Variants in CACNB2 observed in about 807,000 individuals in gnomAD.
The protein encoded by CACNB2 is voltage-dependent L-type calcium channel subunit beta-2.
In CACNB2, 42 loss-of-function variants were observed where a neutral mutation model predicts 73.3. The ratio of observed to expected loss-of-function variants is 0.57; its 90% CI spans 0.45 to 0.74. The LOEUF (loss-of-function observed/expected upper bound fraction) is 0.74. Ranked by LOEUF, CACNB2 falls within the 30% of genes least tolerant of loss-of-function variation. The probability of loss-of-function intolerance (pLI) is 0.00; values close to 1 mark genes in which losing one functional copy is unlikely to be tolerated. For synonymous variants in CACNB2, 348 were observed against 310.3 expected (o/e 1.12, Z -1.28); for missense variants, 940 against 853.0 (o/e 1.10, Z -1.27).
At chr10:18,174,119 G>T (rs2033426355) in intron 2 of CACNB2, among the ~76,000 whole-genome samples, 1 of 151,984 alleles carries the variant, frequency 6.6e-6, no homozygotes, top group South Asian at 2.1e-4. Flanking sequence ...TCTTACCATT[G>T]TTTGAAAGAA....
intron 2 of CACNB2, among the ~76,000 whole-genome samples, chr10:18,366,166 A>G (rs2042337825): frequency 1.3e-5 from 2 of 152,200 alleles, no homozygotes; most frequent in Non-Finnish European, 2.9e-5. Context: ...AAATAAACAG[A>G]AACTTGAATG....
intron 2 of CACNB2, among the ~76,000 whole-genome samples, chr10:18,241,982 A>C (rs1012140027): frequency 6.6e-6 from 1 of 152,086 alleles, no homozygotes; most frequent in African/African-American, 2.4e-5. Flanking sequence ...TTACGTATAT[A>C]GTCAACCACC....
chr10:18,498,394 T>A lies in CACNB2; in HGVS notation c.373T>A (p.Tyr125Asn). ...VAFAVRTNVS[Y>N]SAAHEDDVPV... ...ATTTGCGGTTCGGACAAATGTCAGCTACAGTGCGGCCCATGAAGATGATGT... is the reference window on the plus strand; with the variant it reads ...ATTTGCGGTTCGGACAAATGTCAGCAACAGTGCGGCCCATGAAGATGATGT... The change falls in exon 4 of 14, where the codon TAC becomes AAC. Residue 125 changes from tyrosine (Y) to asparagine (N), a missense_variant. Transcript: ENST00000324631. 6.2e-7 allele frequency: 1 copy of A among 1,614,176 alleles called. No homozygotes were observed. The highest frequency in any genetic ancestry group is 8.5e-7 in the Non-Finnish European group (1 of 1,180,006).
At chr10:18,507,636 C>CA (rs142050375) in intron 6 of CACNB2, among the ~76,000 whole-genome samples, 7,835 of 151,348 alleles carry the variant, frequency 0.052, 316 homozygotes, top group Non-Finnish European at 0.075. Flanking sequence ...ATTTGAATTG[C>CA]AAAAAAAAGC....
rs914891250 is a variant in CACNB2, at chr10:18,166,663, G to C, written c.213+15688G>C. Among the ~76,000 whole-genome samples, 8 of 152,262 alleles carry C rather than the reference G, an allele frequency of 5.3e-5. No homozygotes were observed. In the East Asian group the frequency reaches 1.5e-3, roughly 29 times the overall value. The stretch of plus-strand genomic sequence containing the variant: ...GAAGTCTAGTCCAGGACAGAGGAGA[G>C]GAGAGTAAAAACCACTGAGGGCCCC... On this transcript the variant is annotated intron_variant, in intron 2 of 13. Coordinates refer to ENST00000324631, the MANE Select transcript of CACNB2 (RefSeq NM_201596.3).
intron 3 of CACNB2, among the ~76,000 whole-genome samples, chr10:18,452,380 A>T (rs1564565667): frequency 6.6e-6 from 1 of 152,184 alleles, no homozygotes; most frequent in Non-Finnish European, 1.5e-5. Context: ...GTAAGTCATG[A>T]TGGTACCACT....
At chr10:18,483,905 C>T (rs901452855) in intron 3 of CACNB2, among the ~76,000 whole-genome samples, 10 of 152,146 alleles carry the variant, frequency 6.6e-5, no homozygotes. Context: ...TCATTACTGT[C>T]CTCGCCACAG....
At chr10:18,279,896 A>T in intron 2 of CACNB2, among the ~76,000 whole-genome samples, 1 of 152,186 alleles carries the variant, frequency 6.6e-6, no homozygotes, top group East Asian at 1.9e-4. Flanking sequence ...CCTGGCCAAC[A>T]TGACAAAAGT....
intron 1 of CACNB2, among the ~76,000 whole-genome samples, chr10:18,146,164 C>CTAT (rs1051253706): frequency 9.9e-5 from 15 of 152,126 alleles, no homozygotes; most frequent in Admixed American, 1.3e-4. Flanking sequence ...TCACACTAAG[C>CTAT]TATTGGTAAA....
intron 3 of CACNB2, among the ~76,000 whole-genome samples, chr10:18,443,145 G>A (rs7099509): frequency 0.48 from 72,211 of 150,322 alleles, 18,279 homozygotes; most frequent in East Asian, 0.65. Flanking sequence ...ACTGAGTCGT[G>A]AAGTTTTTAA....
intron 2 of CACNB2, among the ~76,000 whole-genome samples, chr10:18,193,286 G>A (rs2034487666): frequency 1.4e-5 from 2 of 144,996 alleles, no homozygotes. Flanking sequence ...TTTTTTTACA[G>A]TGATTGAATC....
intron 10 of CACNB2, among the ~76,000 whole-genome samples, chr10:18,532,675 T>TTA (rs2053153018): frequency 2.2e-5 from 1 of 46,488 alleles, no homozygotes; most frequent in African/African-American, 8.0e-5. Flanking sequence ...AGACTCTGTC[T>TTA]CAAAAAAAAA....
intron 3 of CACNB2, among the ~76,000 whole-genome samples, chr10:18,410,212 T>A (rs1378842378): frequency 6.6e-6 from 1 of 152,214 alleles, no homozygotes; most frequent in African/African-American, 2.4e-5. Flanking sequence ...TAGTGCTTGT[T>A]CATTGTGTTC....
At chr10:18,299,409 G>A (rs2039416289) in intron 2 of CACNB2, among the ~76,000 whole-genome samples, 1 of 152,198 alleles carries the variant, frequency 6.6e-6, no homozygotes, top group Admixed American at 6.5e-5. Flanking sequence ...AAATTCAGTG[G>A]AGAAGGGGAG....
At chr10:18,451,543 A>G (rs922667375) in intron 3 of CACNB2, among the ~76,000 whole-genome samples, 1 of 152,230 alleles carries the variant, frequency 6.6e-6, no homozygotes, top group Non-Finnish European at 1.5e-5. Flanking sequence ...GGTGTATATT[A>G]GGAAACTCAA....
intron 3 of CACNB2, among the ~76,000 whole-genome samples, chr10:18,406,770 C>G (rs764530743): frequency 1.3e-5 from 2 of 152,170 alleles, no homozygotes; most frequent in African/African-American, 2.4e-5. Flanking sequence ...AAACCCCAGT[C>G]CATGGAACAA....
At chr10:18,190,866 A>G (rs570900918) in intron 2 of CACNB2, among the ~76,000 whole-genome samples, 2 of 152,386 alleles carry the variant, frequency 1.3e-5, no homozygotes, top group African/African-American at 4.8e-5. Flanking sequence ...AGTCTGTATC[A>G]GCAAAGGTCT....
chr10:18,518,554 A>C (rs549142228), intron 8 of CACNB2, 138 bp downstream of exon 8: 12 of 744,424 alleles, frequency 1.6e-5, no homozygotes, highest in Non-Finnish European at 2.7e-5. Flanking sequence ...ACAGCAGCAA[A>C]GCCTGTTGTT....
chr10:18,141,534 T>G (rs1038749839), intron 1 of CACNB2, among the ~76,000 whole-genome samples: 1 of 152,218 alleles, frequency 6.6e-6, no homozygotes, highest in African/African-American at 2.4e-5. Flanking sequence ...CCCTGAAATG[T>G]TAGCCATTTC....
Sources: gnomAD v4.1 joint callset for allele counts (sites outside exome capture counted in the v4.1 genomes callset) on GRCh38, gnomAD v4.1.1 for gene constraint, MANE v1.5 for transcripts, NCBI Gene and HGNC (gene_info 2026-07-23, HGNC 2026-07-21) for gene names.